The following PRMT2 variants were observed in gnomAD, a reference collection of about 807,000 sequenced individuals.
PRMT2 encodes protein arginine N-methyltransferase 2.
A neutral mutation model predicts 57.6 loss-of-function variants in PRMT2; 26 were observed. The observed-to-expected ratio is 0.45, with a 90% CI of 0.33 to 0.63. The LOEUF (loss-of-function observed/expected upper bound fraction) is 0.63. PRMT2 is among the 20% of genes least tolerant of loss of function. PRMT2 has a pLI of 0.02. For missense variants in PRMT2, 472 were observed against 564.4 expected (o/e 0.84, Z 1.66); for synonymous variants, 219 against 220.0 (o/e 1.00, Z 0.04).
In PRMT2 at chr21:46,639,893, A is replaced by G. The variant is rs80179184; in HGVS notation, c.39+2903A>G. On this transcript the variant is annotated intron_variant, in intron 3 of 11. Coordinates refer to ENST00000355680, the MANE Select transcript of PRMT2 (RefSeq NM_206962.4). ...AACACTTCATGTTATGACGAATGTGATGAAGTGTAACATTTTGCTGTTTGT... is the reference window on the plus strand; with the variant it reads ...AACACTTCATGTTATGACGAATGTGGTGAAGTGTAACATTTTGCTGTTTGT... 1.5e-3 allele frequency among the ~76,000 whole-genome samples: 228 copies of G among 152,246 alleles called. 10 individuals carry two copies. In the East Asian group the frequency reaches 0.035, roughly 24 times the overall value.
In PRMT2 at chr21:46,661,870, G is replaced by T; in HGVS notation, c.1031G>T (p.Ser344Ile). Reference protein sequence around the residue: ...GTLHGFTAWFSVHFQSLQEGQ... With the variant: ...GTLHGFTAWFIVHFQSLQEGQ... ...CTGCACGGCTTCACGGCCTGGTTTA[G>T]CGTCCACTTCCAGAGCCTGCAGGAG... Residue 344 changes from serine to isoleucine, a missense_variant, in exon 10 of 12, where the codon AGC becomes ATC. Physicochemically the swap from Ser to Ile is moderately radical, Grantham distance 142 (BLOSUM62 -2). Transcript: ENST00000355680. 1.3e-6 allele frequency: 2 copies of T among 1,515,778 alleles called. No individual in the cohort carries two copies. The highest frequency in any genetic ancestry group is 8.9e-7 in the Non-Finnish European group (1 of 1,126,684). 93.9% of individuals were successfully genotyped at this position (1,515,778 alleles called of 1,614,324 possible).
Position 46,664,502 on chromosome 21 carries a change from T to C in PRMT2, c.*175T>C, listed in dbSNP as rs910628431. On this transcript the variant is annotated 3_prime_UTR_variant, in exon 12 of 12. Transcript: ENST00000355680. ...CAGGGTCCTTCACAGACAAACACGC[T>C]TGGGCTCGGCAGGAGCTGCCGTGGC... 112 of 800,906 alleles carry C rather than the reference T, an allele frequency of 1.4e-4. No individual in the cohort carries two copies. In the African/African-American group the frequency reaches 1.6e-3, roughly 11 times the overall value. The allele number at this position is 800,906 out of a possible 1,614,324, so 49.6% of individuals were successfully genotyped here. A position where few individuals can be genotyped will look rare whatever the true frequency, so the allele number is the denominator to read the frequency against.
intron 9 of PRMT2, chr21:46,661,512 G>A (rs1287715284): frequency 3.9e-6 from 1 of 255,962 alleles, no homozygotes; most frequent in East Asian, 6.9e-5. Flanking sequence ...GAAAGGCCCA[G>A]CCTGGAGCTC....
chr21:46,638,756 G>T (rs1227882633), intron 3 of PRMT2, among the ~76,000 whole-genome samples: 1 of 152,176 alleles, frequency 6.6e-6, no homozygotes, highest in Non-Finnish European at 1.5e-5. Flanking sequence ...TTATAGAAGA[G>T]ATGTCTTATA....
At chr21:46,657,834 A>G (rs2061562743) in intron 7 of PRMT2, 1 of 152,206 alleles carries the variant, frequency 6.6e-6, no homozygotes, top group Non-Finnish European at 1.5e-5. Context: ...AATAAGATGT[A>G]TATATTTTTT....
chr21:46,650,692 A>G (rs147536875), intron 7 of PRMT2, among the ~76,000 whole-genome samples: 4 of 152,324 alleles, frequency 2.6e-5, no homozygotes, highest in Non-Finnish European at 5.9e-5. Flanking sequence ...GGACAAAAAG[A>G]GGACAGAGCA....
chr21:46,661,936 C>T lies in PRMT2; in HGVS notation c.1097C>T (p.Pro366Leu). 1 of 1,139,340 alleles carries T rather than the reference C, an allele frequency of 8.8e-7. No individual in the cohort carries two copies. The highest frequency in any genetic ancestry group is 1.1e-6 in the Non-Finnish European group (1 of 905,394). 70.6% of individuals were successfully genotyped at this position (1,139,340 alleles called of 1,614,324 possible). ...PQVLSTGPFH[P>L]TTHWKQTLFM... ...GTGCTCAGCACCGGGCCCTTCCACC[C>T]GTGAGTGTGCGGGGCGCGGGCACGG... Residue 366 changes from proline (P) to leucine (L), a missense_variant and splice_region_variant, in exon 10 of 12, where the codon CCC (proline) becomes CTC (leucine). By Grantham distance (98) the Pro-to-Leu change is moderately conservative. This residue lies in a region of PRMT2 where 229 missense variants were observed against 217.2 expected (regional missense o/e 1.05). Coordinates refer to ENST00000355680, the MANE Select transcript of PRMT2 (RefSeq NM_206962.4).
At chr21:46,643,769 G>C (rs997814298) in intron 4 of PRMT2, 130 bp downstream of exon 4, 4 of 1,161,794 alleles carry the variant, frequency 3.4e-6, no homozygotes, top group Non-Finnish European at 4.6e-6. Flanking sequence ...CACAAGACCT[G>C]TGTGTGAAGC....
chr21:46,651,992 A>G (rs756766196), intron 7 of PRMT2: 22 of 1,613,108 alleles, frequency 1.4e-5, no homozygotes, highest in African/African-American at 5.3e-5. Flanking sequence ...CTCCTGGCCC[A>G]TCTTCCTACT....
rs2061391301 is a variant in PRMT2 at position 46,648,037 on chromosome 21, C to A, written c.328-421C>A. 6.6e-6 allele frequency among the ~76,000 whole-genome samples: 1 copy of A among 151,970 alleles called. No individual in the cohort carries two copies. The highest frequency in any genetic ancestry group is 1.5e-5 in the Non-Finnish European group (1 of 68,002). ...ACTGTTTTGAAACTAATTTTATTAT[C>A]ATTTTGTTGTGCTTTCTCCTTTAGT... On this transcript the variant is annotated intron_variant, in intron 5 of 11. Coordinates refer to ENST00000355680, the MANE Select transcript of PRMT2 (RefSeq NM_206962.4). The surrounding 1 kb of genome is among the most constrained non-coding windows in gnomAD (Gnocchi z 4.8).
At position 46,655,926 on chromosome 21, in the gene PRMT2, T is replaced by C. The variant is rs149138880; in HGVS notation, c.655-2819T>C. 4.3e-3 allele frequency among the ~76,000 whole-genome samples: 653 copies of C among 152,318 alleles called. 4 individuals are homozygous for C. The highest frequency in any genetic ancestry group is 0.01 in the Middle Eastern group (3 of 294). ...AGAATCCAAGCAGGATTTGTTCTTA[T>C]AGATAAGCTCATTATGAAATGTATA... On this transcript the variant is annotated intron_variant, in intron 7 of 11. Coordinates refer to ENST00000355680, the MANE Select transcript of PRMT2 (RefSeq NM_206962.4).
rs1309053534 is a variant in PRMT2, at chr21:46,649,771, G to A, written c.654+32G>A. The A allele has an allele frequency of 2.5e-6, 4 of 1,598,096 alleles. No homozygotes were observed. Among genetic ancestry groups the A allele is most frequent in the African/African-American group, 1.3e-5 (1 of 74,768 alleles). The stretch of plus-strand genomic sequence containing the variant: ...GCGGGCGTGCGGGCAGCTGGGGGCC[G>A]GAGCTGGGGGGCTTCTGAGCACGGG... On this transcript the variant is annotated intron_variant, in intron 7 of 11. Coordinates refer to ENST00000355680, the MANE Select transcript of PRMT2 (RefSeq NM_206962.4). This position sits in a 1 kb window ranked among gnomAD's most constrained non-coding sequence, Gnocchi z 4.8.
chr21:46,659,748 G>T, intron 8 of PRMT2: 1 of 985,422 alleles, frequency 1.0e-6, no homozygotes, highest in Non-Finnish European at 1.2e-6. Context: ...CCACCTGAGT[G>T]TTCCTCCCGG....
At chr21:46,664,196 A>C (rs2061670459) in intron 11 of PRMT2, 99 bp from the exon 12 acceptor site, 1 of 1,062,132 alleles carries the variant, frequency 9.4e-7, no homozygotes, top group Non-Finnish European at 1.4e-6. Context: ...TCTGCACCTG[A>C]ATACTGTTCT....
intron 7 of PRMT2, among the ~76,000 whole-genome samples, chr21:46,655,620 TAGTA>T (rs1300996924): frequency 1.3e-5 from 2 of 152,140 alleles, no homozygotes; most frequent in Non-Finnish European, 2.9e-5. Context: ...TTCCTAAAAC[TAGTA>T]AGTGAGTTTA....
chr21:46,660,821 C>T lies in PRMT2; in HGVS notation c.831-12C>T. On this transcript the variant is annotated splice_polypyrimidine_tract_variant and intron_variant, in intron 8 of 11. Transcript: ENST00000355680. ...AATGACTCTCAACAGTCGCTTTGAC[C>T]TTTTCCCCTAGATCTTTAGCAGTTA... 6.2e-7 allele frequency: 1 copy of T among 1,612,800 alleles called. No homozygotes were observed. Among genetic ancestry groups the T allele is most frequent in the Non-Finnish European group, 8.5e-7 (1 of 1,179,606 alleles).
In PRMT2 at chr21:46,636,970, T is replaced by C. The variant is rs1157598622; in HGVS notation, c.19T>C (p.Cys7Arg). ...GAGAACTATGGCAACATCAGGTGAC[T>C]GTCCCAGAAGTGAATCGCAGGTAAT... is the stretch of plus-strand genomic sequence containing the variant. Reference protein sequence around the residue: MATSGDCPRSESQGEEP... With the variant: MATSGDRPRSESQGEEP... The change falls in exon 3 of 12, where the codon TGT becomes CGT. Residue 7 changes from cysteine (C) to arginine (R), a missense_variant. By Grantham distance (180) the Cys-to-Arg change is radical (BLOSUM62 -3). Transcript: ENST00000355680. 8.7e-6 allele frequency: 14 copies of C among 1,613,970 alleles called. No individual in the cohort carries two copies. Among genetic ancestry groups the C allele is most frequent in the Non-Finnish European group, 1.2e-5 (14 of 1,179,968 alleles).
In PRMT2 at chr21:46,647,030, T is replaced by C. The variant is rs957112003; in HGVS notation, c.328-1428T>C. Among the ~76,000 whole-genome samples the C allele has an allele frequency of 7.2e-5, 11 of 152,190 alleles. 1 individual carries two copies. The East Asian group carries it at 1.3e-3, about 19-fold the overall frequency. On this transcript the variant is annotated intron_variant, in intron 5 of 11. Transcript: ENST00000355680. Reference sequence around the variant, plus strand: ...AGGTGGCCTCTTAATGCCATCACACTGACGATTAAGTTTCAGTACATGGAT... The same window carrying C: ...AGGTGGCCTCTTAATGCCATCACACCGACGATTAAGTTTCAGTACATGGAT...
At position 46,660,962 on chromosome 21, in the gene PRMT2, G is replaced by A. The variant is rs1458050809; in HGVS notation, c.960G>A (p.Glu320=). The A allele has an allele frequency of 3.1e-6, 5 of 1,611,692 alleles. No individual in the cohort carries two copies. The highest frequency in any genetic ancestry group is 3.4e-6 in the Non-Finnish European group (4 of 1,178,936). Residue 320 remains glutamate, a splice_region_variant and synonymous_variant, in exon 9 of 12, where the codon GAG becomes GAA. Coordinates refer to ENST00000355680, the MANE Select transcript of PRMT2 (RefSeq NM_206962.4). The part of the protein sequence containing the change: ...DMRTVQISDL[E]TLRGELRFDI... ...GAACCGTGCAAATTTCTGATCTAGA[G>A]GTGAGAAAAAGATGAATTGCTCCTT...
Sources: gnomAD v4.1 joint callset for allele counts (sites outside exome capture counted in the v4.1 genomes callset) on GRCh38, gnomAD v4.1.1 for gene constraint, gnomAD v4.1.1 regional missense constraint, Gnocchi (gnomAD v3.1) non-coding constraint, MANE v1.5 for transcripts, NCBI Gene and HGNC (gene_info 2026-07-23, HGNC 2026-07-21) for gene names.